The following UPRT variants were observed in gnomAD, a reference collection of about 807,000 sequenced individuals.
UPRT encodes the protein RP11-311P8.3.
UPRT carries 5 observed loss-of-function variants against 22.6 expected under a neutral mutation model. The observed-to-expected ratio is 0.22, with a 90% CI of 0.12 to 0.47. The LOEUF is 0.47. Ranked by LOEUF, UPRT falls within the 20% of genes least tolerant of loss-of-function variation. The pLI is 0.99. For missense variants in UPRT, 181 were observed against 239.9 expected (o/e 0.75, Z 1.62); for synonymous variants, 77 against 87.7 (o/e 0.88, Z 0.68).
At chrX:75,264,516 G>T (rs886334932) in intron 4 of UPRT, among the ~76,000 whole-genome samples, 1 of 111,350 alleles carries the variant, frequency 9.0e-6, no homozygotes, top group African/African-American at 3.3e-5. Context: ...TTGGTTTAAA[G>T]TCTGTTTTAT....
At chrX:75,240,478 A>G (rs1009549080) in intron 4 of UPRT, among the ~76,000 whole-genome samples, 1 of 112,028 alleles carries the variant, frequency 8.9e-6, no homozygotes, top group African/African-American at 3.2e-5. Context: ...AACACATCCC[A>G]TGCTCATGGA....
intron 4 of UPRT, among the ~76,000 whole-genome samples, chrX:75,236,675 C>A (rs1156490119): frequency 8.9e-6 from 1 of 112,086 alleles, no homozygotes; most frequent in African/African-American, 3.2e-5. Flanking sequence ...CTTTGACAAA[C>A]CTGAGAAAAA....
chrX:75,181,031 A>G (rs2082268738), intron 4 of UPRT, among the ~76,000 whole-genome samples: 1 of 110,049 alleles, frequency 9.1e-6, no homozygotes, highest in African/African-American at 3.3e-5. Context: ...CTTTTTTTGT[A>G]TATGGTTTAA....
At chrX:75,246,921 C>A (rs771892971) in intron 4 of UPRT, among the ~76,000 whole-genome samples, 1 of 111,589 alleles carries the variant, frequency 9.0e-6, no homozygotes, top group African/African-American at 3.3e-5. Flanking sequence ...AAAATAATCA[C>A]CTTGATTGAG....
chrX:75,191,117 C>A (rs1204896845), intron 4 of UPRT, among the ~76,000 whole-genome samples: 1 of 111,534 alleles, frequency 9.0e-6, no homozygotes, highest in Non-Finnish European at 1.9e-5. Flanking sequence ...TTTTATCTAC[C>A]TTTGATCTTT....
At chrX:75,274,039 A>G, upstream of UPRT, 1 of 428,783 alleles carries the variant, frequency 2.3e-6, no homozygotes. Flanking sequence ...TGCAGCCAAT[A>G]GGGTGTCTAG....
At chrX:75,250,545 G>A (rs1351654580) in intron 4 of UPRT, among the ~76,000 whole-genome samples, 1 of 111,359 alleles carries the variant, frequency 9.0e-6, no homozygotes, top group African/African-American at 3.3e-5. Flanking sequence ...CCAATAACAG[G>A]CTCTGAAATT....
At chrX:75,236,522 G>A (rs1428616264) in intron 4 of UPRT, among the ~76,000 whole-genome samples, 3 of 111,587 alleles carry the variant, frequency 2.7e-5, no homozygotes, top group Non-Finnish European at 5.6e-5. Context: ...CAAAGCTGGA[G>A]GTATCGCACT....
chrX:75,234,858 A>T (rs1184013400), intron 4 of UPRT, among the ~76,000 whole-genome samples: 1 of 111,784 alleles, frequency 8.9e-6, no homozygotes, highest in Non-Finnish European at 1.9e-5. Context: ...CTGACACCTT[A>T]ACATCACAAT....
intron 1 of UPRT, among the ~76,000 whole-genome samples, chrX:75,157,651 A>C (rs772470209): frequency 8.9e-6 from 1 of 111,790 alleles, no homozygotes; most frequent in South Asian, 3.8e-4. Context: ...CCATTAAGCT[A>C]CTCTGGCTTA....
intron 4 of UPRT, among the ~76,000 whole-genome samples, chrX:75,246,308 T>C (rs759429432): frequency 2.1e-5 from 2 of 93,508 alleles, no homozygotes; most frequent in Non-Finnish European, 4.1e-5. Flanking sequence ...CCTGTGTCCA[T>C]GTGTTCTCAT....
chrX:75,178,366 C>T (rs192978731), intron 4 of UPRT, among the ~76,000 whole-genome samples: 1 of 111,920 alleles, frequency 8.9e-6, no homozygotes, highest in Admixed American at 9.5e-5. Flanking sequence ...GCGAAAGTCT[C>T]ACCGCTCAGC....
rs1224762176 is a variant in UPRT at position 75,185,554 on chromosome X, T to G, written c.-447+17675T>G. On this transcript the variant is annotated intron_variant, in intron 4 of 13. Transcript: ENST00000652605. The stretch of plus-strand genomic sequence containing the variant: ...GCCTCATAAAATGAGTTAGGGAGGA[T>G]TCCCTGTTTTTCTATTGATTGGAAT... 2.7e-5 allele frequency among the ~76,000 whole-genome samples: 3 copies of G among 112,044 alleles called. No homozygotes were observed. The East Asian group carries it at 8.4e-4, about 31-fold the overall frequency.
intron 4 of UPRT, among the ~76,000 whole-genome samples, chrX:75,237,782 A>G (rs1359151072): frequency 3.9e-5 from 3 of 77,334 alleles, no homozygotes; most frequent in Non-Finnish European, 6.9e-5. Flanking sequence ...GGAACATCAC[A>G]CTCTGGGGAC....
upstream of UPRT, among the ~76,000 whole-genome samples, chrX:75,272,582 G>A (rs2082614961): frequency 9.3e-6 from 1 of 107,404 alleles, no homozygotes; most frequent in Non-Finnish European, 1.9e-5. Flanking sequence ...GGGTCTTGGA[G>A]GAAAAGGGTG....
At chrX:75,194,084 G>A (rs1474768503) in intron 4 of UPRT, among the ~76,000 whole-genome samples, 1 of 111,853 alleles carries the variant, frequency 8.9e-6, no homozygotes, top group African/African-American at 3.3e-5. Flanking sequence ...ACCTTTGTGG[G>A]CTAATGTTTC....
At chrX:75,264,618 A>C (rs979376914) in intron 4 of UPRT, among the ~76,000 whole-genome samples, 1 of 107,649 alleles carries the variant, frequency 9.3e-6, no homozygotes. Context: ...TTTGTGTGTC[A>C]CTGATGGGTC....
chrX:75,265,174 C>T (rs12391997), intron 4 of UPRT, among the ~76,000 whole-genome samples: 1,544 of 110,900 alleles, frequency 0.014, 19 homozygotes, highest in African/African-American at 0.048. Flanking sequence ...TTGCTCTTCT[C>T]GAGGAGTATC....
At chrX:75,252,367 A>G (rs1262383356) in intron 4 of UPRT, among the ~76,000 whole-genome samples, 5 of 112,295 alleles carry the variant, frequency 4.5e-5, no homozygotes, top group African/African-American at 1.6e-4. Flanking sequence ...CAACCCCATC[A>G]AAAAGTGAGG....
Sources: allele counts gnomAD v4.1 joint callset (sites outside exome capture counted in the v4.1 genomes callset), GRCh38; gene constraint gnomAD v4.1.1; transcripts MANE v1.5; gene names NCBI Gene and HGNC (gene_info 2026-07-23, HGNC 2026-07-21).